Variants in RBBP8 observed in about 807,000 individuals in gnomAD.
RBBP8 encodes the protein DNA endonuclease RBBP8.
RBBP8 carries 88 observed loss-of-function variants against 108.3 expected under a neutral mutation model. The ratio of observed to expected loss-of-function variants is 0.81; its 90% CI spans 0.68 to 0.97. RBBP8 has a LOEUF of 0.97. Among genes scored for constraint, RBBP8 ranks in the 50% least tolerant of loss-of-function variants. The probability of loss-of-function intolerance (pLI) is 0.00; values close to 1 mark genes in which losing one functional copy is unlikely to be tolerated. For missense variants in RBBP8, 1,023 were observed against 1,049.0 expected (o/e 0.98, Z 0.34); for synonymous variants, 332 against 348.2 (o/e 0.95, Z 0.52).
intron 3 of RBBP8, among the ~76,000 whole-genome samples, chr18:22,927,724 T>C (rs1349943648): frequency 6.6e-6 from 1 of 152,124 alleles, no homozygotes; most frequent in Admixed American, 6.6e-5. Flanking sequence ...ACCTGATTTT[T>C]ACTTAAAATG....
At chr18:22,992,232 T>A (rs1350170972) in intron 10 of RBBP8, among the ~76,000 whole-genome samples, 2 of 152,254 alleles carry the variant, frequency 1.3e-5, no homozygotes, top group Admixed American at 6.5e-5. Flanking sequence ...TGTTTGTTTC[T>A]TGAGACAGAG....
Position 22,949,546 on chromosome 18 carries a change from C to T in RBBP8, c.153-72C>T, listed in dbSNP as rs900542846. On this transcript the variant is annotated intron_variant, in intron 3 of 18. Transcript: ENST00000327155. ...GTACAAGAAATTTGTTATATAAACA[C>T]GGTGGAGCTCTTAGAATTATCCTGT... is the stretch of plus-strand genomic sequence containing the variant. 14 of 1,092,770 alleles carry T rather than the reference C, an allele frequency of 1.3e-5. No homozygotes were observed. The East Asian group carries it at 1.7e-4, about 13-fold the overall frequency. The allele number at this position is 1,092,770 out of a possible 1,614,324, so 67.7% of individuals were successfully genotyped here.
At chr18:22,988,108 G>A (rs2144680347) in intron 8 of RBBP8, among the ~76,000 whole-genome samples, 1 of 151,998 alleles carries the variant, frequency 6.6e-6, no homozygotes, top group Admixed American at 6.6e-5. Flanking sequence ...ATTCTTCTGT[G>A]CCCCTATTAT....
intron 16 of RBBP8, among the ~76,000 whole-genome samples, chr18:23,014,159 T>C (rs2046217798): frequency 6.6e-6 from 1 of 151,076 alleles, no homozygotes; most frequent in Admixed American, 6.6e-5. Flanking sequence ...CCACCACGCC[T>C]GGCTAATTTT....
intron 17 of RBBP8, among the ~76,000 whole-genome samples, chr18:23,019,422 C>T (rs1335495277): frequency 6.6e-6 from 1 of 152,132 alleles, no homozygotes; most frequent in Non-Finnish European, 1.5e-5. Context: ...AAGTGCCAGT[C>T]CCATGTACTT....
intron 6 of RBBP8, among the ~76,000 whole-genome samples, chr18:22,976,058 A>G (rs1914473668): frequency 6.6e-6 from 1 of 152,150 alleles, no homozygotes; most frequent in African/African-American, 2.4e-5. Flanking sequence ...TGTTGCGTTT[A>G]AGTAGACATC....
rs140295451 is a variant in RBBP8 at position 22,991,000 on chromosome 18, A to G, written c.871A>G (p.Lys291Glu). ...CTACCACTGTCTGGAAGGAAATCAC[A>G]AGAAACAGCCTTTTGAGGAATCTAC... Reference protein sequence around the residue: ...ELYHCLEGNHKKQPFEESTRN... With the variant: ...ELYHCLEGNHEKQPFEESTRN... The change falls in exon 10 of 19, where the codon AAG (lysine) becomes GAG (glutamate). Residue 291 changes from lysine to glutamate, a missense_variant. By Grantham distance (56) the Lys-to-Glu change is moderately conservative. Transcript: ENST00000327155. 139 of 1,613,852 alleles carry G rather than the reference A, an allele frequency of 8.6e-5. No homozygotes were observed. In the African/African-American group the frequency reaches 1.7e-3, roughly 20 times the overall value.
intron 5 of RBBP8, 127 bp from the exon 6 acceptor site, chr18:22,975,026 A>G: frequency 1.6e-6 from 2 of 1,224,896 alleles, no homozygotes; most frequent in Non-Finnish European, 2.2e-6. Context: ...TTAACCCTGA[A>G]TAAACATTAT....
Position 23,001,599 on chromosome 18 carries a change from A to G in RBBP8, c.2157A>G (p.Lys719=). The G allele has an allele frequency of 1.2e-6, 2 of 1,614,116 alleles. No homozygotes were observed. Among genetic ancestry groups the G allele is most frequent in the Non-Finnish European group, 1.7e-6 (2 of 1,180,004 alleles). Residue 719 remains lysine (K), a synonymous_variant, in exon 15 of 19, where the codon AAA becomes AAG. Transcript: ENST00000327155. ...KGEKSSNEER[K]MNDSLEDMFD... The stretch of plus-strand genomic sequence containing the variant: ...TCTTTTACATAGATGAAGAAAGAAA[A>G]ATGAATGATAGCTTGGAAGATATGT...
chr18:23,015,184 C>T (rs1374992316), intron 16 of RBBP8, among the ~76,000 whole-genome samples: 2 of 152,144 alleles, frequency 1.3e-5, no homozygotes, highest in African/African-American at 4.8e-5. Flanking sequence ...AGGCATGAGC[C>T]ACCACACCTG....
intron 1 of RBBP8, 196 bp downstream of exon 1, chr18:22,933,760 G>C (rs1412190829): frequency 6.6e-6 from 1 of 152,236 alleles, no homozygotes; most frequent in Non-Finnish European, 1.5e-5. Context: ...CGCTACCTCA[G>C]TACTACTTCT....
At chr18:23,007,770 T>G (rs2046082050) in intron 16 of RBBP8, among the ~76,000 whole-genome samples, 1 of 151,052 alleles carries the variant, frequency 6.6e-6, no homozygotes. Context: ...TTTATAAGGA[T>G]TTTTGAATCT....
intron 16 of RBBP8, among the ~76,000 whole-genome samples, chr18:23,008,613 G>C (rs749092275): frequency 6.6e-6 from 1 of 151,996 alleles, no homozygotes; most frequent in East Asian, 1.9e-4. Flanking sequence ...TCTTGCTTCT[G>C]TTATCTGGAA....
intron 4 of RBBP8, among the ~76,000 whole-genome samples, chr18:22,956,953 T>C (rs1912614296): frequency 1.3e-5 from 2 of 152,216 alleles, no homozygotes; most frequent in South Asian, 4.1e-4. Flanking sequence ...GAACGCATTT[T>C]TTTTGAAAAT....
At chr18:22,959,215 G>C (rs1373411695) in intron 4 of RBBP8, among the ~76,000 whole-genome samples, 2 of 152,100 alleles carry the variant, frequency 1.3e-5, no homozygotes, top group Non-Finnish European at 1.5e-5. Context: ...TTATTCTACT[G>C]TTTATTATAT....
chr18:22,977,407 A>G (rs1914571917), intron 6 of RBBP8, among the ~76,000 whole-genome samples: 1 of 152,086 alleles, frequency 6.6e-6, no homozygotes. Flanking sequence ...AAGATGGCTT[A>G]TATGATAGGG....
chr18:23,025,896 C>A (rs1282587226), intron 18 of RBBP8, among the ~76,000 whole-genome samples: 1 of 152,152 alleles, frequency 6.6e-6, no homozygotes, highest in Non-Finnish European at 1.5e-5. Flanking sequence ...ATAGTAGAAA[C>A]TACTTCAAAG....
At chr18:22,992,324 T>A (rs1169941660) in intron 10 of RBBP8, among the ~76,000 whole-genome samples, 1 of 152,088 alleles carries the variant, frequency 6.6e-6, no homozygotes, top group Non-Finnish European at 1.5e-5. Context: ...GCCACCAGAG[T>A]AGCTGGGATT....
Position 23,026,150 on chromosome 18 carries a change from T to TA in RBBP8, c.2606dup (p.Glu870GlyfsTer4), listed in dbSNP as rs2046447117. ...TTATGATTTGTTTTTAAGGTTATAT[T>TA]AAGGAAGATCTTGATCCTTGTCCTC... On this transcript the variant is annotated frameshift_variant, in exon 19 of 19. Transcript: ENST00000327155. LOFTEE classifies it high-confidence loss of function. 6.2e-7 allele frequency: 1 copy of TA among 1,612,424 alleles called. No individual in the cohort carries two copies. The highest frequency in any genetic ancestry group is 8.5e-7 in the Non-Finnish European group (1 of 1,178,722).
Sources: gnomAD v4.1 joint callset for allele counts (sites outside exome capture counted in the v4.1 genomes callset) on GRCh38, gnomAD v4.1.1 for gene constraint, MANE v1.5 for transcripts, NCBI Gene and HGNC (gene_info 2026-07-23, HGNC 2026-07-21) for gene names.